RAB3GAP1: variants seen among roughly 807,000 people sequenced by gnomAD.
RAB3GAP1 encodes rab3 GTPase-activating protein catalytic subunit.
Under a neutral mutation model 130.7 loss-of-function variants are expected in RAB3GAP1, and 86 were observed. That is an observed-to-expected ratio of 0.66 (90% confidence interval 0.55 to 0.79). The LOEUF is 0.79. Among genes scored for constraint, RAB3GAP1 ranks in the 30% least tolerant of loss-of-function variants. The pLI, the probability that RAB3GAP1 is intolerant of heterozygous loss-of-function variation, is 0.00. For missense variants in RAB3GAP1, 1,029 were observed against 1,169.4 expected (o/e 0.88, Z 1.75); for synonymous variants, 367 against 401.7 (o/e 0.91, Z 1.03).
At chr2:135,063,841 A>T (rs999908779) in intron 3 of RAB3GAP1, among the ~76,000 whole-genome samples, 2 of 152,168 alleles carry the variant, frequency 1.3e-5, no homozygotes, top group Non-Finnish European at 2.9e-5. Flanking sequence ...TATACCCAGA[A>T]GTGGAATTGC....
At chr2:135,158,931 G>A (rs1160931010) in intron 19 of RAB3GAP1, among the ~76,000 whole-genome samples, 1 of 151,956 alleles carries the variant, frequency 6.6e-6, no homozygotes, top group African/African-American at 2.4e-5. Flanking sequence ...CCAAAATGAG[G>A]AACATTCTAT....
At chr2:135,161,155 A>G (rs1357141648) in intron 19 of RAB3GAP1, among the ~76,000 whole-genome samples, 1 of 152,222 alleles carries the variant, frequency 6.6e-6, no homozygotes, top group African/African-American at 2.4e-5. Flanking sequence ...ACTTTGTAGG[A>G]TAATTATGTT....
chr2:135,130,151 T>C, intron 12 of RAB3GAP1, 64 bp downstream of exon 12: 5 of 1,311,038 alleles, frequency 3.8e-6, no homozygotes, highest in South Asian at 3.7e-5. Context: ...GGCACATTTT[T>C]CAGCAACTTT....
chr2:135,106,608 A>T (rs1690628590), intron 5 of RAB3GAP1, among the ~76,000 whole-genome samples: 1 of 152,144 alleles, frequency 6.6e-6, no homozygotes, highest in Non-Finnish European at 1.5e-5. Context: ...CAGGGACACA[A>T]ACACTGCGGA....
At chr2:135,145,494 A>G (rs1449937278) in intron 17 of RAB3GAP1, among the ~76,000 whole-genome samples, 1 of 152,128 alleles carries the variant, frequency 6.6e-6, no homozygotes, top group Non-Finnish European at 1.5e-5. Flanking sequence ...TACCAAACCT[A>G]TAAGGAGTCA....
chr2:135,093,113 T>C (rs748961461), intron 4 of RAB3GAP1, among the ~76,000 whole-genome samples: 1 of 152,212 alleles, frequency 6.6e-6, no homozygotes, highest in Non-Finnish European at 1.5e-5. Context: ...TTTATGGGTA[T>C]AATGATCTTT....
intron 5 of RAB3GAP1, among the ~76,000 whole-genome samples, chr2:135,101,478 A>G (rs1690447885): frequency 6.6e-6 from 1 of 152,190 alleles, no homozygotes; most frequent in Non-Finnish European, 1.5e-5. Context: ...TTACTATATG[A>G]TTAACTTATA....
At chr2:135,076,035 T>G (rs1689625379) in intron 3 of RAB3GAP1, among the ~76,000 whole-genome samples, 1 of 151,618 alleles carries the variant, frequency 6.6e-6, no homozygotes, top group Non-Finnish European at 1.5e-5. Context: ...CTCAGCCTCC[T>G]GAGTAGCTGG....
intron 19 of RAB3GAP1, among the ~76,000 whole-genome samples, chr2:135,157,221 G>A (rs896905510): frequency 3.3e-5 from 5 of 152,082 alleles, no homozygotes; most frequent in Non-Finnish European, 5.9e-5. Context: ...ATCTCACTGT[G>A]TTGCTCAGGC....
intron 5 of RAB3GAP1, among the ~76,000 whole-genome samples, chr2:135,108,544 T>C (rs921347329): frequency 1.3e-5 from 2 of 151,842 alleles, no homozygotes; most frequent in African/African-American, 4.8e-5. Context: ...TCGATTATGT[T>C]CTTATTTTTG....
chr2:135,090,300 C>T (rs1217426418), intron 3 of RAB3GAP1, among the ~76,000 whole-genome samples: 1 of 152,096 alleles, frequency 6.6e-6, no homozygotes, highest in African/African-American at 2.4e-5. Context: ...AAAATAGTAA[C>T]TCACAGATTA....
intron 17 of RAB3GAP1, among the ~76,000 whole-genome samples, chr2:135,149,874 G>GC (rs1267358494): frequency 1.7e-4 from 26 of 152,110 alleles, no homozygotes; most frequent in South Asian, 2.1e-4. Flanking sequence ...AGCCAGGATG[G>GC]TCTCGATCTC....
intron 5 of RAB3GAP1, among the ~76,000 whole-genome samples, chr2:135,106,383 A>G (rs1558778260): frequency 6.6e-6 from 1 of 152,386 alleles, no homozygotes; most frequent in East Asian, 1.9e-4. Flanking sequence ...AGAAGTAGAC[A>G]TAGGAGACTC....
intron 11 of RAB3GAP1, among the ~76,000 whole-genome samples, chr2:135,127,008 T>A (rs943008920): frequency 6.6e-6 from 1 of 151,964 alleles, no homozygotes; most frequent in African/African-American, 2.4e-5. Context: ...CCCGAGTAGC[T>A]GGGACTACAG....
At chr2:135,162,419 G>T in intron 19 of RAB3GAP1, 136 bp from the exon 20 acceptor site, 1 of 715,052 alleles carries the variant, frequency 1.4e-6, no homozygotes. Flanking sequence ...CCTCACCTTT[G>T]GGGTCGTGGC....
chr2:135,077,535 A>C (rs1336585842), intron 3 of RAB3GAP1, among the ~76,000 whole-genome samples: 1 of 152,148 alleles, frequency 6.6e-6, no homozygotes, highest in Non-Finnish European at 1.5e-5. Flanking sequence ...CTACCAAAAA[A>C]ATCCCCAAGA....
At chr2:135,114,344 C>T (rs16831345) in intron 6 of RAB3GAP1, among the ~76,000 whole-genome samples, 24,843 of 152,130 alleles carry the variant, frequency 0.16, 2,730 homozygotes, top group South Asian at 0.32. Flanking sequence ...ATCGAATAGA[C>T]TATGATACTC....
chr2:135,161,979 A>G (rs1692478030), intron 19 of RAB3GAP1, among the ~76,000 whole-genome samples: 2 of 152,296 alleles, frequency 1.3e-5, no homozygotes, highest in South Asian at 2.1e-4. Context: ...AAAGAATTGT[A>G]CATATTTATA....
intron 23 of RAB3GAP1, among the ~76,000 whole-genome samples, chr2:135,167,052 C>T (rs897529392): frequency 6.6e-6 from 1 of 152,134 alleles, no homozygotes; most frequent in Non-Finnish European, 1.5e-5. Context: ...CTGAAGTAAA[C>T]TGTTAGAATT....
Sources: gnomAD v4.1 joint callset for allele counts (sites outside exome capture counted in the v4.1 genomes callset) on GRCh38, gnomAD v4.1.1 for gene constraint, MANE v1.5 for transcripts, NCBI Gene and HGNC (gene_info 2026-07-23, HGNC 2026-07-21) for gene names.